The following WDR19 variants were observed in gnomAD, a reference collection of about 807,000 sequenced individuals.
WDR19 encodes the protein WD repeat-containing protein 19.
WDR19 carries 121 observed loss-of-function variants against 180.0 expected under a neutral mutation model. The observed-to-expected ratio is 0.67, with a 90% CI of 0.58 to 0.78. WDR19 has a LOEUF of 0.78. Ranked by LOEUF, WDR19 falls within the 30% of genes least tolerant of loss-of-function variation. The pLI is 0.00. For synonymous variants in WDR19, 497 were observed against 540.7 expected (o/e 0.92, Z 1.12); for missense variants, 1,450 against 1,640.7 (o/e 0.88, Z 2.01).
chr4:39,229,135 T>A (rs28409985), intron 17 of WDR19, among the ~76,000 whole-genome samples: 4,174 of 152,274 alleles, frequency 0.027, 199 homozygotes, highest in African/African-American at 0.094. Context: ...TTCATTTTTT[T>A]AATGGCTGAG....
At chr4:39,220,426 G>A (rs976686789) in intron 14 of WDR19, among the ~76,000 whole-genome samples, 1 of 151,464 alleles carries the variant, frequency 6.6e-6, no homozygotes, top group Non-Finnish European at 1.5e-5. Context: ...TCAAGCAATC[G>A]TCCTGCCTTA....
intron 36 of WDR19, among the ~76,000 whole-genome samples, chr4:39,280,890 A>G (rs191977298): frequency 6.6e-6 from 1 of 152,058 alleles, no homozygotes; most frequent in Non-Finnish European, 1.5e-5. Context: ...TGATCCACTT[A>G]GTTTTTGTGT....
At chr4:39,255,486 A>G (rs1578005342) in intron 26 of WDR19, among the ~76,000 whole-genome samples, 1 of 152,194 alleles carries the variant, frequency 6.6e-6, no homozygotes, top group Admixed American at 6.5e-5. Flanking sequence ...AGACAGTCAT[A>G]TCTTTAACCA....
chr4:39,193,875 C>T (rs1446708982), intron 4 of WDR19, among the ~76,000 whole-genome samples: 2 of 152,192 alleles, frequency 1.3e-5, no homozygotes, highest in African/African-American at 4.8e-5. Context: ...CACAAGTTCC[C>T]AGATGATGCT....
At chr4:39,233,348 TG>T (rs1008111834) in intron 19 of WDR19, among the ~76,000 whole-genome samples, 13 of 152,212 alleles carry the variant, frequency 8.5e-5, no homozygotes, top group African/African-American at 3.1e-4. Context: ...CAGACATGTC[TG>T]GGTTCAAATT....
At chr4:39,205,886 C>G (rs1461622464) in intron 9 of WDR19, 150 bp downstream of exon 9, 2 of 719,612 alleles carry the variant, frequency 2.8e-6, no homozygotes, top group South Asian at 2.3e-5. Context: ...ATATTCAGGG[C>G]AAAAATATAA....
At chr4:39,271,189 G>C (rs2109501944) in intron 31 of WDR19, among the ~76,000 whole-genome samples, 1 of 152,278 alleles carries the variant, frequency 6.6e-6, no homozygotes, top group South Asian at 2.1e-4. Flanking sequence ...GAGCCACTGT[G>C]CCCGGCCAGA....
At chr4:39,266,201 G>C in intron 29 of WDR19, 61 bp downstream of exon 29, 1 of 1,407,280 alleles carries the variant, frequency 7.1e-7, no homozygotes, top group Non-Finnish European at 9.6e-7. Context: ...GATTCTGCCT[G>C]TTTTTACCCA....
chr4:39,197,425 C>CAAAAAAAAAAAAAAAAAAAA (rs11343008), intron 5 of WDR19, among the ~76,000 whole-genome samples: 2 of 113,336 alleles, frequency 1.8e-5, no homozygotes. Flanking sequence ...GACTCTATCT[C>CAAAAAAAAAAAAAAAAAAAA]AAAAAAAAAA....
chr4:39,266,138 A>G lies in WDR19; in HGVS notation c.3259A>G (p.Lys1087Glu). The change falls in exon 29 of 37, where the codon AAG becomes GAG. Residue 1087 changes from lysine (K) to glutamate (E), a missense_variant and splice_region_variant. Physicochemically the swap from Lys to Glu is moderately conservative, Grantham distance 56. Coordinates refer to ENST00000399820, the MANE Select transcript of WDR19 (RefSeq NM_025132.4). ...HLLGENDGMP[K>E]DAKYLFRLYM... ...CCTGGGGGAGAACGATGGCATGCCT[A>G]AGGTACTGAACACGTGGGCTTCGTG... 1.3e-6 allele frequency: 2 copies of G among 1,560,928 alleles called. No homozygotes were observed. The highest frequency in any genetic ancestry group is 1.4e-5 in the African/African-American group (1 of 73,574).
chr4:39,270,508 TG>T, intron 31 of WDR19, among the ~76,000 whole-genome samples: 1 of 152,292 alleles, frequency 6.6e-6, no homozygotes, highest in East Asian at 1.9e-4. Context: ...TCCAAGTAGC[TG>T]GGATTACAGG....
chr4:39,205,312 G>T, intron 8 of WDR19, 46 bp downstream of exon 8: 6 of 1,436,312 alleles, frequency 4.2e-6, no homozygotes, highest in Non-Finnish European at 5.7e-6. Flanking sequence ...ATTACAGAAG[G>T]ACATCTGTAG....
In WDR19 at chr4:39,228,666, T is replaced by C; in HGVS notation, c.1958T>C (p.Leu653Pro). 6.2e-7 allele frequency: 1 copy of C among 1,601,572 alleles called. No individual in the cohort carries two copies. Among genetic ancestry groups the C allele is most frequent in the Non-Finnish European group, 8.5e-7 (1 of 1,174,096 alleles). The change falls in exon 17 of 37, where the codon CTG becomes CCG. Residue 653 changes from leucine (L) to proline (P), a missense_variant. Transcript: ENST00000399820. ...DTGPDELRPMLAQNLMLKRFS... is the reference protein window; with the variant it reads ...DTGPDELRPMPAQNLMLKRFS... ...GGGCCTGACGAACTGAGACCAATGC[T>C]GGCACAGAATTTAATGCTAAAGAGG...
At chr4:39,220,396 A>G (rs1729532559) in intron 14 of WDR19, among the ~76,000 whole-genome samples, 1 of 152,018 alleles carries the variant, frequency 6.6e-6, no homozygotes, top group South Asian at 2.1e-4. Flanking sequence ...ATAGCTTACT[A>G]CAATCACAAC....
At chr4:39,225,259 T>C (rs1730130057) in intron 15 of WDR19, among the ~76,000 whole-genome samples, 2 of 152,200 alleles carry the variant, frequency 1.3e-5, no homozygotes, top group South Asian at 4.1e-4. Context: ...AGATTTTTAA[T>C]GGGAAAAATA....
chr4:39,270,563 A>G (rs1378563997), intron 31 of WDR19, among the ~76,000 whole-genome samples: 1 of 152,056 alleles, frequency 6.6e-6, no homozygotes, highest in Non-Finnish European at 1.5e-5. Context: ...TTTTTAGTAG[A>G]TATGGGGTTT....
In WDR19 at chr4:39,213,775, G is replaced by A. The variant is rs1728772575; in HGVS notation, c.891-826G>A. ...AACTAGGGACGTCGGAATAAGATTT[G>A]TGGTTTCTATCAATGTCAGTATCCT... On this transcript the variant is annotated intron_variant, in intron 9 of 36. Coordinates refer to ENST00000399820, the MANE Select transcript of WDR19 (RefSeq NM_025132.4). Among the ~76,000 whole-genome samples the A allele has an allele frequency of 1.3e-5, 2 of 152,134 alleles. 1 individual carries two copies. The highest frequency in any genetic ancestry group is 4.1e-4 in the South Asian group (2 of 4,826).
intron 32 of WDR19, chr4:39,274,095 A>G (rs1735663475): frequency 6.6e-6 from 1 of 152,240 alleles, no homozygotes; most frequent in African/African-American, 2.4e-5. Flanking sequence ...CACTTTTAAC[A>G]TGTCACAAAA....
rs762043395 is a variant in WDR19, at chr4:39,234,832, A to G, written c.2320A>G (p.Ile774Val). The G allele has an allele frequency of 6.3e-6, 10 of 1,577,068 alleles. No individual in the cohort carries two copies. The Admixed American group carries it at 1.6e-4, about 26-fold the overall frequency. The change falls in exon 20 of 37, where the codon ATA becomes GTA. Residue 774 changes from isoleucine (I) to valine (V), a missense_variant. By Grantham distance (29) the Ile-to-Val change is conservative. Coordinates refer to ENST00000399820, the MANE Select transcript of WDR19 (RefSeq NM_025132.4). ...QLAKHLAPDQ[I>V]PFISKEYAIQ... ...GGCAAAGCATTTGGCCCCAGACCAG[A>G]TACCTTTTATATCAAAAGAATATGC...
Sources: allele counts gnomAD v4.1 joint callset (sites outside exome capture counted in the v4.1 genomes callset), GRCh38; gene constraint gnomAD v4.1.1; transcripts MANE v1.5; gene names NCBI Gene and HGNC (gene_info 2026-07-23, HGNC 2026-07-21).